JAM3: variants seen among roughly 807,000 people sequenced by gnomAD.
JAM3 encodes the protein junctional adhesion molecule C.
A neutral mutation model predicts 39.4 loss-of-function variants in JAM3; 31 were observed. The ratio of observed to expected loss-of-function variants is 0.79; its 90% CI spans 0.59 to 1.06. JAM3 has a LOEUF of 1.06. Ranked by LOEUF, JAM3 falls within the 50% of genes least tolerant of loss-of-function variation. The probability of loss-of-function intolerance (pLI) is 0.00; values close to 1 mark genes in which losing one functional copy is unlikely to be tolerated. For missense variants in JAM3, 455 were observed against 391.4 expected (o/e 1.16, Z -1.37); for synonymous variants, 182 against 148.7 (o/e 1.22, Z -1.63).
intron 1 of JAM3, among the ~76,000 whole-genome samples, chr11:134,084,069 G>A (rs545172784): frequency 3.3e-5 from 5 of 152,298 alleles, no homozygotes; most frequent in Non-Finnish European, 7.3e-5. Flanking sequence ...GGGATCACAG[G>A]ATTTGTAGCA....
intron 1 of JAM3, among the ~76,000 whole-genome samples, chr11:134,093,227 A>G (rs1245327440): frequency 3.9e-5 from 5 of 127,834 alleles, no homozygotes; most frequent in African/African-American, 1.6e-4. Flanking sequence ...CTTATTCATC[A>G]TGTTCCGTCT....
chr11:134,089,470 C>A (rs1393235907), intron 1 of JAM3, among the ~76,000 whole-genome samples: 1 of 152,084 alleles, frequency 6.6e-6, no homozygotes, highest in African/African-American at 2.4e-5. Context: ...CCCTGTACCC[C>A]ACAACAGGCC....
chr11:134,082,787 G>A (rs1309235105), intron 1 of JAM3, among the ~76,000 whole-genome samples: 2 of 152,020 alleles, frequency 1.3e-5, no homozygotes, highest in African/African-American at 2.4e-5. Flanking sequence ...ACTATTTTGG[G>A]GGATTTATAA....
At chr11:134,097,711 T>C (rs1304344363) in intron 1 of JAM3, among the ~76,000 whole-genome samples, 1 of 152,174 alleles carries the variant, frequency 6.6e-6, no homozygotes, top group Non-Finnish European at 1.5e-5. Context: ...TCTGACCAAA[T>C]AATGTTTACT....
Position 134,150,641 on chromosome 11 carries a change from T to A in JAM3, c.*1460T>A, listed in dbSNP as rs1943192261. On this transcript the variant is annotated 3_prime_UTR_variant, in exon 9 of 9. Coordinates refer to ENST00000299106, the MANE Select transcript of JAM3 (RefSeq NM_032801.5). ...TCACAAAATAGGGCCCCCAATGCTATTTTTTTTTTTTAAGTTTGTTTAATT... is the reference window on the plus strand; with the variant it reads ...TCACAAAATAGGGCCCCCAATGCTAATTTTTTTTTTTAAGTTTGTTTAATT... The A allele has an allele frequency of 7.7e-6, 1 of 130,112 alleles. No individual in the cohort carries two copies. Among genetic ancestry groups the A allele is most frequent in the Non-Finnish European group, 1.6e-5 (1 of 61,494 alleles). 8.1% of individuals were successfully genotyped at this position (130,112 alleles called of 1,614,324 possible).
At chr11:134,100,052 A>G (rs1387740868) in intron 1 of JAM3, among the ~76,000 whole-genome samples, 1 of 152,188 alleles carries the variant, frequency 6.6e-6, no homozygotes, top group Admixed American at 6.5e-5. Flanking sequence ...CTTTGATGAA[A>G]GTTAAATCTC....
chr11:134,139,091 T>A (rs1201443426), intron 1 of JAM3, among the ~76,000 whole-genome samples: 1 of 152,206 alleles, frequency 6.6e-6, no homozygotes, highest in African/African-American at 2.4e-5. Context: ...AGGTAGTCCA[T>A]GTACCTACTT....
chr11:134,112,312 T>G (rs1942328780), intron 1 of JAM3, among the ~76,000 whole-genome samples: 1 of 152,108 alleles, frequency 6.6e-6, no homozygotes. Context: ...GGTCTTGAAC[T>G]CCTGACCTCA....
At chr11:134,124,167 G>A in intron 1 of JAM3, 12 of 1,459,766 alleles carry the variant, frequency 8.2e-6, no homozygotes, top group Non-Finnish European at 1.2e-5. Context: ...TTTTTCAACT[G>A]GAGCTTTATC....
In JAM3 at chr11:134,151,177, T is replaced by C. The variant is rs577596179; in HGVS notation, c.*1996T>C. 1 of 152,384 alleles carries C rather than the reference T, an allele frequency of 6.6e-6. No homozygotes were observed. Among genetic ancestry groups the C allele is most frequent in the African/African-American group, 2.4e-5 (1 of 41,584 alleles). The allele number at this position is 152,384 out of a possible 1,614,324, so 9.4% of individuals were successfully genotyped here. Reference sequence around the variant, plus strand: ...TCAGCTTCCAGTGTCTTGGGTTTTTTATACTTTGACAGCTTTTTTTTAATT... The same window carrying C: ...TCAGCTTCCAGTGTCTTGGGTTTTTCATACTTTGACAGCTTTTTTTTAATT... On this transcript the variant is annotated 3_prime_UTR_variant, in exon 9 of 9. Transcript: ENST00000299106.
At chr11:134,124,050 G>T in intron 1 of JAM3, 1 of 1,439,332 alleles carries the variant, frequency 6.9e-7, no homozygotes. Flanking sequence ...ACAGCCACCT[G>T]GCTCTTCACA....
intron 1 of JAM3, among the ~76,000 whole-genome samples, chr11:134,078,270 C>A (rs1941605894): frequency 6.6e-6 from 1 of 152,028 alleles, no homozygotes; most frequent in Non-Finnish European, 1.5e-5. Flanking sequence ...CAGGCATGTG[C>A]CACCACACCC....
intron 1 of JAM3, among the ~76,000 whole-genome samples, chr11:134,113,247 G>T (rs943207819): frequency 2.6e-5 from 4 of 151,538 alleles, no homozygotes; most frequent in African/African-American, 7.3e-5. Flanking sequence ...CAACGTGCAG[G>T]TTTGTTACAT....
chr11:134,094,453 A>T (rs1565486417), intron 1 of JAM3, among the ~76,000 whole-genome samples: 1 of 132,970 alleles, frequency 7.5e-6, no homozygotes, highest in Admixed American at 7.4e-5. Flanking sequence ...AACCCTCCTT[A>T]TTCATCATGT....
intron 1 of JAM3, among the ~76,000 whole-genome samples, chr11:134,100,391 C>A (rs567355527): frequency 6.6e-6 from 1 of 152,218 alleles, no homozygotes; most frequent in Admixed American, 6.5e-5. Context: ...GAGGGCTTTT[C>A]AAACTCGCTT....
intron 1 of JAM3, among the ~76,000 whole-genome samples, chr11:134,091,229 C>T (rs1227801288): frequency 6.6e-6 from 1 of 152,166 alleles, no homozygotes; most frequent in Non-Finnish European, 1.5e-5. Context: ...GGCGTGGTGG[C>T]TCATGCCTGT....
At chr11:134,117,067 AAAAAC>A (rs915797820) in intron 1 of JAM3, among the ~76,000 whole-genome samples, 2 of 152,046 alleles carry the variant, frequency 1.3e-5, no homozygotes, top group African/African-American at 4.8e-5. Context: ...AACTTAAAAA[AAAAAC>A]AATCCACGGC....
At chr11:134,110,904 G>T (rs865881211) in intron 1 of JAM3, among the ~76,000 whole-genome samples, 1 of 152,100 alleles carries the variant, frequency 6.6e-6, no homozygotes, top group Middle Eastern at 3.4e-3. Flanking sequence ...GCTCTGATGT[G>T]TGGCCATGTG....
rs142269505 is a variant in JAM3, at chr11:134,115,085, G to A, written c.77-24766G>A. On this transcript the variant is annotated intron_variant, in intron 1 of 8. Coordinates refer to ENST00000299106, the MANE Select transcript of JAM3 (RefSeq NM_032801.5). ...CTTTTGATGAATTGACCTCTTTATC[G>A]ATTTTTAAATTTATTGTTATGAAAT... 1.6e-4 allele frequency among the ~76,000 whole-genome samples: 25 copies of A among 152,118 alleles called. No individual in the cohort carries two copies. In the East Asian group the frequency reaches 4.2e-3, roughly 26 times the overall value.
Sources: gnomAD v4.1 joint callset for allele counts (sites outside exome capture counted in the v4.1 genomes callset) on GRCh38, gnomAD v4.1.1 for gene constraint, MANE v1.5 for transcripts, NCBI Gene and HGNC (gene_info 2026-07-23, HGNC 2026-07-21) for gene names.